Variants in B4GALT6 observed in about 807,000 individuals in gnomAD.
The protein encoded by B4GALT6 is UDP-Gal:beta-GlcNAc beta-1,4-galactosyltransferase 6.
A neutral mutation model predicts 46.3 loss-of-function variants in B4GALT6; 14 were observed. The observed-to-expected ratio is 0.30, with a 90% confidence interval of 0.20 to 0.47. B4GALT6 has a LOEUF of 0.47. B4GALT6 is among the 20% of genes least tolerant of loss of function. B4GALT6 has a pLI of 0.99. For missense variants in B4GALT6, 386 were observed against 480.1 expected, an observed-to-expected ratio of 0.80 and a Z score of 1.83; for synonymous variants, 168 against 162.0, an observed-to-expected ratio of 1.04 and a Z score of -0.28.
At chr18:31,679,300 C>T (rs1039819087) in intron 1 of B4GALT6, among the ~76,000 whole-genome samples, 1 of 152,174 alleles carries the variant, frequency 6.6e-6, no homozygotes, top group Non-Finnish European at 1.5e-5. Flanking sequence ...TTCAATATTG[C>T]CTAATTTCCC....
chr18:31,625,384 T>C lies in B4GALT6; in HGVS notation c.*230A>G, dbSNP rs2073678211. The C allele has an allele frequency of 9.3e-6, 4 of 429,516 alleles. No individual in the cohort carries two copies. Among genetic ancestry groups the C allele is most frequent in the Admixed American group, 4.5e-5 (1 of 22,436 alleles). The allele number at this position is 429,516 out of a possible 1,614,324, so 26.6% of individuals were successfully genotyped here. A position where few individuals can be genotyped will look rare whatever the true frequency, so the allele number is the denominator to read the frequency against. On this transcript the variant is annotated 3_prime_UTR_variant, in exon 9 of 9. Coordinates refer to ENST00000306851, the MANE Select transcript of B4GALT6 (RefSeq NM_004775.5). ...AGCTCTCTTAACTTCCGATCTTAAG[T>C]AGTGGCTTCCCGTTTCTGCGGTGCT...
At chr18:31,662,763 C>T (rs763703738) in intron 2 of B4GALT6, among the ~76,000 whole-genome samples, 7 of 152,156 alleles carry the variant, frequency 4.6e-5, no homozygotes, top group Non-Finnish European at 1.0e-4. Context: ...ATGGCCTGAA[C>T]CCAGGAGGCG....
At chr18:31,660,583 A>C (rs993784850) in intron 2 of B4GALT6, among the ~76,000 whole-genome samples, 7 of 152,154 alleles carry the variant, frequency 4.6e-5, no homozygotes, top group African/African-American at 1.7e-4. Flanking sequence ...AGAATTCTTA[A>C]AAATAAGTTT....
chr18:31,643,788 C>T (rs904544037), intron 4 of B4GALT6, among the ~76,000 whole-genome samples: 2 of 152,236 alleles, frequency 1.3e-5, no homozygotes, highest in Middle Eastern at 6.8e-3. Context: ...GAGAAAAATA[C>T]TTCATTTTTC....
At chr18:31,717,983 T>C in the B4GALT6 span, among the ~76,000 whole-genome samples, 2 of 151,298 alleles carry the variant, frequency 1.3e-5, no homozygotes, top group African/African-American at 2.4e-5. Context: ...TATTATATAT[T>C]GATATGGGTA....
At chr18:31,704,294 C>T in the B4GALT6 span, among the ~76,000 whole-genome samples, 1 of 151,690 alleles carries the variant, frequency 6.6e-6, no homozygotes, top group South Asian at 2.1e-4. Context: ...CTGCAACCTC[C>T]ACCTCCCAGG....
intron 5 of B4GALT6, among the ~76,000 whole-genome samples, chr18:31,636,115 G>C (rs533712239): frequency 6.6e-6 from 1 of 152,316 alleles, no homozygotes; most frequent in Non-Finnish European, 1.5e-5. Context: ...ACAACTAAAC[G>C]AAACTTCACT....
intron 4 of B4GALT6, among the ~76,000 whole-genome samples, chr18:31,639,744 G>A (rs562663892): frequency 7.2e-5 from 11 of 152,150 alleles, no homozygotes; most frequent in African/African-American, 2.4e-4. Context: ...TTCTTAGTAC[G>A]TTAATCTTTC....
chr18:31,626,208 A>G (rs2073694447), intron 8 of B4GALT6, 75 bp downstream of exon 8: 2 of 806,938 alleles, frequency 2.5e-6, no homozygotes, highest in Admixed American at 2.9e-5. Context: ...TTTGGGGTTC[A>G]ATGCATTTTT....
At chr18:31,709,418 C>A in the B4GALT6 span, among the ~76,000 whole-genome samples, 1 of 139,958 alleles carries the variant, frequency 7.1e-6, no homozygotes, top group Admixed American at 7.0e-5. Flanking sequence ...TGACAATGAA[C>A]ATTCTGCAAT....
At chr18:31,708,613 A>T in the B4GALT6 span, among the ~76,000 whole-genome samples, 1 of 152,072 alleles carries the variant, frequency 6.6e-6, no homozygotes, top group East Asian at 1.9e-4. Flanking sequence ...AAACCACTAG[A>T]ATAATATTGA....
chr18:31,645,612 A>C, intron 3 of B4GALT6, 133 bp from the exon 4 acceptor site: 1 of 766,160 alleles, frequency 1.3e-6, no homozygotes, highest in East Asian at 2.8e-5. Context: ...TTACCACCAC[A>C]AAATTATGAA....
chr18:31,638,624 A>G lies in B4GALT6; in HGVS notation c.588+20T>C. The stretch of plus-strand genomic sequence containing the variant: ...TTAGATTCTAGTATACTTAGTGACC[A>G]CTATGAAAAGTATTCTCACCTGTTC... On this transcript the variant is annotated intron_variant, in intron 5 of 8. Transcript: ENST00000306851. 1.3e-6 allele frequency: 2 copies of G among 1,534,602 alleles called. No individual in the cohort carries two copies. The highest frequency in any genetic ancestry group is 1.8e-6 in the Non-Finnish European group (2 of 1,108,066).
chr18:31,653,435 C>CTTTTTTTTTTTTTTTTTTTTTTTTTT (rs5823819), intron 3 of B4GALT6, among the ~76,000 whole-genome samples: 1 of 74,160 alleles, frequency 1.3e-5, no homozygotes. Context: ...AACCTTTTTT[C>CTTTTTTTTTTTTTTTTTTTTTTTTTT]TTTTTTTTTT....
the B4GALT6 span, among the ~76,000 whole-genome samples, chr18:31,706,247 C>T: frequency 6.6e-6 from 1 of 151,726 alleles, no homozygotes; most frequent in African/African-American, 2.4e-5. Context: ...TACATACAGG[C>T]AAGAGGAGTA....
chr18:31,659,678 C>G (rs2074187919), intron 2 of B4GALT6, among the ~76,000 whole-genome samples: 1 of 152,162 alleles, frequency 6.6e-6, no homozygotes, highest in African/African-American at 2.4e-5. Context: ...TAAGGCCTAT[C>G]CTACCAGGAA....
chr18:31,651,739 C>T (rs2074070535), intron 3 of B4GALT6, among the ~76,000 whole-genome samples: 2 of 152,052 alleles, frequency 1.3e-5, no homozygotes, highest in South Asian at 4.2e-4. Flanking sequence ...CTCCCTTGTG[C>T]TTCTCCCTCA....
intron 5 of B4GALT6, among the ~76,000 whole-genome samples, chr18:31,633,890 G>C (rs1341933780): frequency 6.6e-6 from 1 of 152,160 alleles, no homozygotes; most frequent in Non-Finnish European, 1.5e-5. Context: ...TACTACTGCC[G>C]GTCCTTCTGG....
chr18:31,657,644 G>A (rs1489669457), intron 3 of B4GALT6, among the ~76,000 whole-genome samples: 3 of 151,824 alleles, frequency 2.0e-5, no homozygotes, highest in African/African-American at 7.3e-5. Flanking sequence ...TTCAAAAGGA[G>A]ACTACACATT....
Sources: allele counts gnomAD v4.1 joint callset (sites outside exome capture counted in the v4.1 genomes callset), GRCh38; gene constraint gnomAD v4.1.1; transcripts MANE v1.5; gene names NCBI Gene and HGNC (gene_info 2026-07-23, HGNC 2026-07-21).